Variants in DACH2 observed in about 807,000 individuals in gnomAD.
The protein encoded by DACH2 is dachshund homolog 2.
In DACH2, 17 loss-of-function variants were observed where a neutral mutation model predicts 35.8. That is an observed-to-expected ratio of 0.48 (90% confidence interval 0.33 to 0.71). The LOEUF is 0.71. Ranked by LOEUF, DACH2 falls within the 30% of genes least tolerant of loss-of-function variation. The pLI, the probability that DACH2 is intolerant of heterozygous loss-of-function variation, is 0.02. For missense variants in DACH2, 469 were observed against 472.7 expected (o/e 0.99, Z 0.07); for synonymous variants, 195 against 177.3 (o/e 1.10, Z -0.79).
chrX:86,799,784 G>A (rs2042274136), intron 7 of DACH2, among the ~76,000 whole-genome samples: 3 of 111,830 alleles, frequency 2.7e-5, no homozygotes, highest in African/African-American at 9.7e-5. Flanking sequence ...GTAAATCCTG[G>A]AATCAATGTA....
intron 1 of DACH2, among the ~76,000 whole-genome samples, chrX:86,279,980 G>A (rs2147982464): frequency 9.1e-6 from 1 of 110,259 alleles, no homozygotes; most frequent in Admixed American, 9.8e-5. Flanking sequence ...CGTTTTACTG[G>A]TGTACCTGAA....
intron 3 of DACH2, among the ~76,000 whole-genome samples, chrX:86,627,878 G>A (rs1313188516): frequency 8.9e-6 from 1 of 112,308 alleles, no homozygotes; most frequent in Non-Finnish European, 1.9e-5. Context: ...GACAGTCAAA[G>A]AGTAAAACAA....
chrX:86,742,101 G>C (rs2041662786), intron 7 of DACH2, among the ~76,000 whole-genome samples: 1 of 110,700 alleles, frequency 9.0e-6, no homozygotes, highest in Admixed American at 9.7e-5. Flanking sequence ...TGACAATATA[G>C]TTTATTTCTA....
chrX:86,727,791 G>A (rs1016486590), intron 6 of DACH2, among the ~76,000 whole-genome samples: 2 of 112,001 alleles, frequency 1.8e-5, no homozygotes, highest in African/African-American at 6.5e-5. Context: ...CCAGTGATAT[G>A]CTTCCTGCAC....
intron 2 of DACH2, among the ~76,000 whole-genome samples, chrX:86,479,945 C>T (rs1211023745): frequency 1.8e-5 from 2 of 112,618 alleles, no homozygotes; most frequent in East Asian, 2.8e-4. Context: ...TGAAAGGCCA[C>T]GTATCTCTGT....
chrX:86,330,978 A>C (rs2035202091), intron 1 of DACH2, among the ~76,000 whole-genome samples: 1 of 111,825 alleles, frequency 8.9e-6, no homozygotes, highest in Non-Finnish European at 1.9e-5. Context: ...TTACACATGA[A>C]ATTTTACTTT....
intron 11 of DACH2, among the ~76,000 whole-genome samples, chrX:86,826,804 T>C (rs1254452841): frequency 8.9e-6 from 1 of 112,439 alleles, no homozygotes; most frequent in Admixed American, 9.5e-5. Context: ...AGCATATTAT[T>C]TTATCTCTTT....
At chrX:86,484,257 T>A (rs1421327317) in intron 2 of DACH2, among the ~76,000 whole-genome samples, 1 of 111,816 alleles carries the variant, frequency 8.9e-6, no homozygotes, top group African/African-American at 3.3e-5. Context: ...TTTAGCTGAA[T>A]AGAATCTATC....
At chrX:86,536,952 T>C (rs1315580149) in intron 3 of DACH2, among the ~76,000 whole-genome samples, 2 of 111,335 alleles carry the variant, frequency 1.8e-5, no homozygotes, top group African/African-American at 3.3e-5. Context: ...TAGGGTCTTG[T>C]GGATGGCCTC....
At chrX:86,417,161 C>T (rs1457944302) in intron 2 of DACH2, among the ~76,000 whole-genome samples, 4 of 101,822 alleles carry the variant, frequency 3.9e-5, no homozygotes, top group Non-Finnish European at 7.9e-5. Context: ...CAAGAAGACA[C>T]TCCATTACTG....
intron 1 of DACH2, among the ~76,000 whole-genome samples, chrX:86,364,997 G>GA (rs1180286546): frequency 1.8e-5 from 2 of 111,529 alleles, no homozygotes; most frequent in Non-Finnish European, 3.8e-5. Flanking sequence ...GATAGCTTCT[G>GA]AAAAGGTAGA....
intron 4 of DACH2, among the ~76,000 whole-genome samples, chrX:86,665,169 T>C (rs2040652307): frequency 8.9e-6 from 1 of 112,180 alleles, no homozygotes; most frequent in Non-Finnish European, 1.9e-5. Context: ...ACATGGAAAG[T>C]TTTATAGTCT....
Position 86,148,811 on chromosome X carries a change from A to G in DACH2, c.191A>G (p.Asn64Ser). 8.3e-7 allele frequency: 1 copy of G among 1,211,733 alleles called. No homozygotes were observed. Among genetic ancestry groups the G allele is most frequent in the African/African-American group, 1.7e-5 (1 of 57,776 alleles). Residue 64 changes from asparagine to serine, a missense_variant, in exon 1 of 12, where the codon AAC becomes AGC. By Grantham distance (46) the Asn-to-Ser change is conservative (BLOSUM62 1). Around this residue, in one of 3 missense-constraint regions of DACH2, gnomAD observed 99 missense variants for 114.3 expected, o/e 0.87. Transcript: ENST00000373125. ...SAGGGGRGNT[N>S]TNECRMVDMH... The stretch of plus-strand genomic sequence containing the variant: ...GGAGGCGGCGGCAGGGGCAACACCA[A>G]CACCAACGAGTGCCGCATGGTCGAC...
At chrX:86,296,177 A>C (rs1406241750) in intron 1 of DACH2, among the ~76,000 whole-genome samples, 3 of 106,558 alleles carry the variant, frequency 2.8e-5, no homozygotes, top group Non-Finnish European at 5.8e-5. Flanking sequence ...CAGGAGATCG[A>C]GACCATCCTG....
At chrX:86,730,001 C>G (rs1448779611) in intron 6 of DACH2, among the ~76,000 whole-genome samples, 2 of 109,991 alleles carry the variant, frequency 1.8e-5, no homozygotes, top group African/African-American at 6.6e-5. Flanking sequence ...TTTGCCATAT[C>G]GTTTTTAAAA....
chrX:86,293,196 C>T (rs2034349921), intron 1 of DACH2, among the ~76,000 whole-genome samples: 1 of 105,948 alleles, frequency 9.4e-6, no homozygotes, highest in South Asian at 4.6e-4. Flanking sequence ...TTCTTTGTCT[C>T]TTTTGATCTT....
intron 3 of DACH2, among the ~76,000 whole-genome samples, chrX:86,534,579 T>A (rs1246298461): frequency 8.9e-6 from 1 of 112,121 alleles, no homozygotes; most frequent in Non-Finnish European, 1.9e-5. Context: ...AGCTAAATCA[T>A]GCATTAGACT....
Position 86,379,494 on chromosome X carries a change from G to GA in DACH2, c.527+2632_527+2633insA, listed in dbSNP as rs201266171. ...AAACAATTAAATTCCAATCTCTCTA[G>GA]GAAAAAAAAAAGAAAGAAAGAAAAA... On this transcript the variant is annotated intron_variant, in intron 2 of 11. Transcript: ENST00000373125. 5.6e-3 allele frequency among the ~76,000 whole-genome samples: 592 copies of GA among 105,392 alleles called. 4 individuals carry two copies. The highest frequency in any genetic ancestry group is 0.019 in the African/African-American group (563 of 29,052). The allele number at this position is 105,392 out of a possible 115,157, so 91.5% of individuals were successfully genotyped here.
chrX:86,399,300 A>T (rs1419878382), intron 2 of DACH2, among the ~76,000 whole-genome samples: 1 of 111,474 alleles, frequency 9.0e-6, no homozygotes, highest in Non-Finnish European at 1.9e-5. Flanking sequence ...GAGTTTCCTG[A>T]ATACAGCACA....
Sources: gnomAD v4.1 joint callset for allele counts (sites outside exome capture counted in the v4.1 genomes callset) on GRCh38, gnomAD v4.1.1 for gene constraint, gnomAD v4.1.1 regional missense constraint, MANE v1.5 for transcripts, NCBI Gene and HGNC (gene_info 2026-07-23, HGNC 2026-07-21) for gene names.